SAMD12: variants seen among roughly 807,000 people sequenced by gnomAD.
SAMD12 encodes sterile alpha motif domain-containing protein 12.
SAMD12 carries 9 observed loss-of-function variants against 15.0 expected under a neutral mutation model. The ratio of observed to expected loss-of-function variants is 0.60; its 90% CI spans 0.36 to 1.05. SAMD12 has a LOEUF of 1.05. Among genes scored for constraint, SAMD12 ranks in the 50% least tolerant of loss-of-function variants. SAMD12 has a pLI of 0.01. For missense variants in SAMD12, 230 were observed against 234.2 expected (o/e 0.98, Z 0.12); for synonymous variants, 86 against 90.1 (o/e 0.96, Z 0.25).
chr8:118,289,476 A>C (rs1213024051), intron 4 of SAMD12, among the ~76,000 whole-genome samples: 1 of 152,218 alleles, frequency 6.6e-6, no homozygotes, highest in Non-Finnish European at 1.5e-5. Context: ...AATGATATGA[A>C]GGGTCTAGGT....
At chr8:118,371,567 T>C (rs1434104844) in intron 4 of SAMD12, among the ~76,000 whole-genome samples, 1 of 151,830 alleles carries the variant, frequency 6.6e-6, no homozygotes, top group African/African-American at 2.4e-5. Flanking sequence ...ACAGCGTGAG[T>C]CATGGAGGTA....
chr8:118,175,381 C>T, the SAMD12 span, among the ~76,000 whole-genome samples: 1 of 152,130 alleles, frequency 6.6e-6, no homozygotes, highest in Non-Finnish European at 1.5e-5. Context: ...AAACCTAAAA[C>T]TATAAATCCT....
intron 3 of SAMD12, among the ~76,000 whole-genome samples, chr8:118,425,585 T>C (rs1822208267): frequency 6.6e-6 from 1 of 152,210 alleles, no homozygotes; most frequent in African/African-American, 2.4e-5. Context: ...GAATGGATCA[T>C]ACTTAATTGA....
chr8:118,574,195 T>A (rs1827093051), intron 2 of SAMD12, among the ~76,000 whole-genome samples: 1 of 152,232 alleles, frequency 6.6e-6, no homozygotes. Flanking sequence ...CCAAAGAGAA[T>A]CACTTTAGTA....
chr8:118,190,925 C>G (rs548831983), exon 5 of SAMD12: 1 of 152,160 alleles, frequency 6.6e-6, no homozygotes, highest in Non-Finnish European at 1.5e-5. Context: ...ATATAAACCA[C>G]AACAGATCGA....
chr8:118,147,091 C>A, the SAMD12 span, among the ~76,000 whole-genome samples: 1 of 151,306 alleles, frequency 6.6e-6, no homozygotes, highest in African/African-American at 2.4e-5. Context: ...GTGGCATGAT[C>A]GTGGCTCACT....
At chr8:118,595,795 C>T (rs1000921233) in intron 1 of SAMD12, among the ~76,000 whole-genome samples, 2 of 152,232 alleles carry the variant, frequency 1.3e-5, no homozygotes, top group Non-Finnish European at 2.9e-5. Context: ...ACTCCTCCCT[C>T]TTTTCCTCCT....
chr8:118,263,202 A>G (rs1386600274), intron 4 of SAMD12, among the ~76,000 whole-genome samples: 1 of 152,070 alleles, frequency 6.6e-6, no homozygotes, highest in East Asian at 1.9e-4. Flanking sequence ...CATTTAGGCG[A>G]CGGTTGGAAG....
At chr8:118,252,841 G>C (rs1186519735) in intron 4 of SAMD12, among the ~76,000 whole-genome samples, 2 of 152,182 alleles carry the variant, frequency 1.3e-5, no homozygotes, top group Admixed American at 1.3e-4. Context: ...AACTGTGGGG[G>C]ATAAGGCAAG....
At chr8:118,580,575 A>C (rs1827267690) in intron 2 of SAMD12, 140 bp downstream of exon 2, 1 of 604,544 alleles carries the variant, frequency 1.7e-6, no homozygotes, top group Non-Finnish European at 2.9e-6. Context: ...ATAATTATTT[A>C]TCCGCAAGAT....
chr8:118,424,046 A>T (rs1431316888), intron 3 of SAMD12, among the ~76,000 whole-genome samples: 1 of 152,184 alleles, frequency 6.6e-6, no homozygotes, highest in African/African-American at 2.4e-5. Flanking sequence ...AAATGGGTTG[A>T]TATTTAAAAT....
chr8:118,235,776 G>T (rs1001813693), intron 4 of SAMD12, among the ~76,000 whole-genome samples: 1 of 152,094 alleles, frequency 6.6e-6, no homozygotes, highest in Non-Finnish European at 1.5e-5. Context: ...TGGGAAACAG[G>T]CAAATAAACA....
At chr8:118,580,975 A>G in intron 1 of SAMD12, 82 bp from the exon 2 acceptor site, 2 of 1,121,494 alleles carry the variant, frequency 1.8e-6, no homozygotes, top group Non-Finnish European at 1.3e-6. Context: ...ATCAAGCCTA[A>G]GTAGGAAAAA....
intron 2 of SAMD12, among the ~76,000 whole-genome samples, chr8:118,468,697 A>T (rs1016800304): frequency 1.3e-5 from 2 of 151,678 alleles, no homozygotes; most frequent in African/African-American, 4.8e-5. Context: ...TAGATTTTTC[A>T]CCTCTGTTAC....
intron 3 of SAMD12, among the ~76,000 whole-genome samples, chr8:118,402,907 A>C (rs1820937050): frequency 6.6e-6 from 1 of 152,210 alleles, no homozygotes; most frequent in Admixed American, 6.5e-5. Context: ...CACACAAAAA[A>C]TCTGATGCTA....
chr8:118,152,669 T>C, the SAMD12 span, among the ~76,000 whole-genome samples: 1 of 152,122 alleles, frequency 6.6e-6, no homozygotes, highest in South Asian at 2.1e-4. Flanking sequence ...TGGCTAATTT[T>C]TGCATTTTTT....
At chr8:118,585,031 A>T (rs527737073) in intron 1 of SAMD12, among the ~76,000 whole-genome samples, 2 of 152,316 alleles carry the variant, frequency 1.3e-5, no homozygotes, top group East Asian at 3.9e-4. Context: ...TATTCATAAC[A>T]GTCAAACAGG....
At chr8:118,411,704 T>G (rs1193303111) in intron 3 of SAMD12, among the ~76,000 whole-genome samples, 2 of 152,164 alleles carry the variant, frequency 1.3e-5, no homozygotes, top group Non-Finnish European at 2.9e-5. Context: ...TAAAGAGAAC[T>G]GTATTGAAAG....
chr8:118,289,807 G>A (rs994970934), intron 4 of SAMD12, among the ~76,000 whole-genome samples: 6 of 152,122 alleles, frequency 3.9e-5, no homozygotes, highest in Admixed American at 1.3e-4. Context: ...TTAAAAATAT[G>A]CTTTATTAAG....
Sources: allele counts gnomAD v4.1 joint callset (sites outside exome capture counted in the v4.1 genomes callset), GRCh38; gene constraint gnomAD v4.1.1; transcripts MANE v1.5; gene names NCBI Gene and HGNC (gene_info 2026-07-23, HGNC 2026-07-21).